The following NCOA1 variants were observed in gnomAD, a reference collection of about 807,000 sequenced individuals.
NCOA1 encodes nuclear receptor coactivator 1, also known as Hin-2 protein.
In NCOA1, 35 loss-of-function variants were observed where a neutral mutation model predicts 150.9. That is an observed-to-expected ratio of 0.23 (90% CI 0.18 to 0.31). NCOA1 has a LOEUF of 0.31. Ranked by LOEUF, NCOA1 falls within the 10% of genes least tolerant of loss-of-function variation. The pLI is 1.00. For synonymous variants in NCOA1, 590 were observed against 630.0 expected (o/e 0.94, Z 0.95); for missense variants, 1,491 against 1,749.3 (o/e 0.85, Z 2.63).
chr2:24,665,958 TAA>T (rs1383114986), intron 6 of NCOA1, 43 bp downstream of exon 6: 1 of 1,209,090 alleles, frequency 8.3e-7, no homozygotes. Flanking sequence ...GCTTTGTTAT[TAA>T]GACATTTATA....
intron 19 of NCOA1, among the ~76,000 whole-genome samples, chr2:24,748,589 C>T (rs1435935855): frequency 4.1e-5 from 6 of 145,036 alleles, no homozygotes; most frequent in African/African-American, 1.3e-4. Context: ...GTACTCCAGC[C>T]TGGGCAACAA....
chr2:24,670,015 G>A (rs1671611338), intron 6 of NCOA1, among the ~76,000 whole-genome samples: 1 of 152,192 alleles, frequency 6.6e-6, no homozygotes, highest in Admixed American at 6.5e-5. Context: ...GTGCATCCCT[G>A]TAGTCCCAAC....
rs538548208 is a variant in NCOA1, at chr2:24,606,089, A to T, written c.-175+21529A>T. Among the ~76,000 whole-genome samples, 141 of 152,182 alleles carry T rather than the reference A, an allele frequency of 9.3e-4. 1 individual carries two copies. The East Asian group carries it at 0.013, about 15-fold the overall frequency. ...GGAGGTTCTCTTTAAGATTTTTTTT[A>T]AAAAAATTTATCGGGAATGCTGAAT... On this transcript the variant is annotated intron_variant, in intron 3 of 22. Coordinates refer to ENST00000348332, the MANE Select transcript of NCOA1 (RefSeq NM_003743.5).
chr2:24,756,899 A>C (rs2148688930), intron 20 of NCOA1, among the ~76,000 whole-genome samples: 1 of 152,304 alleles, frequency 6.6e-6, no homozygotes, highest in Non-Finnish European at 1.5e-5. Flanking sequence ...ATGAAGAAGG[A>C]AGTCAGTAAA....
At chr2:24,623,477 C>T (rs1319041836) in intron 3 of NCOA1, among the ~76,000 whole-genome samples, 2 of 152,094 alleles carry the variant, frequency 1.3e-5, no homozygotes, top group Non-Finnish European at 2.9e-5. Context: ...CTGTCTTTGT[C>T]TTTGAAAGGG....
chr2:24,597,050 G>A (rs186308628), intron 3 of NCOA1, among the ~76,000 whole-genome samples: 105 of 152,218 alleles, frequency 6.9e-4, no homozygotes, highest in African/African-American at 2.4e-3. Flanking sequence ...CTGTGCTTTT[G>A]TGGTTTTACT....
At position 24,491,311 on chromosome 2, in the gene NCOA1, C is replaced by G. The variant is rs956357369; in HGVS notation, c.-687C>G. Among the ~76,000 whole-genome samples, 1 of 147,304 alleles carries G rather than the reference C, an allele frequency of 6.8e-6. No individual in the cohort carries two copies. Among genetic ancestry groups the G allele is most frequent in the Admixed American group, 6.7e-5 (1 of 14,842 alleles). On this transcript the variant is annotated 5_prime_UTR_variant, in exon 1 of 23. Transcript: ENST00000348332. ...CGGCCGCGGAGAGCGGCTGAAATGCCTGTTCTTCAGGCCGGGCGAGCGGGA... is the reference window on the plus strand; with the variant it reads ...CGGCCGCGGAGAGCGGCTGAAATGCGTGTTCTTCAGGCCGGGCGAGCGGGA...
At position 24,752,141 on chromosome 2, in the gene NCOA1, C is replaced by A. The variant is rs756040489; in HGVS notation, c.3866C>A (p.Ala1289Glu). ...GACATGAAGGCCTGGCAGCAAGGAG[C>A]GATAGGAAACAACAAGTAAGGGGGC... is the stretch of plus-strand genomic sequence containing the variant. ...SPDMKAWQQG[A>E]IGNNNVFSQA... is the part of the protein sequence containing the mutation. Residue 1289 changes from alanine to glutamate, a missense_variant, in exon 20 of 23, where the codon GCG becomes GAG. This residue lies in a region of NCOA1 where 485 missense variants were observed against 522.8 expected (regional missense o/e 0.93). Coordinates refer to ENST00000348332, the MANE Select transcript of NCOA1 (RefSeq NM_003743.5). 6.2e-7 allele frequency: 1 copy of A among 1,613,634 alleles called. No homozygotes were observed. The highest frequency in any genetic ancestry group is 1.1e-5 in the South Asian group (1 of 91,062).
At chr2:24,541,443 T>A (rs902934788) in intron 1 of NCOA1, among the ~76,000 whole-genome samples, 6 of 152,320 alleles carry the variant, frequency 3.9e-5, no homozygotes, top group Admixed American at 2.6e-4. Flanking sequence ...ACTACCTTCC[T>A]CCAGATCTGT....
At chr2:24,536,779 G>A (rs1665164722) in intron 1 of NCOA1, among the ~76,000 whole-genome samples, 1 of 152,116 alleles carries the variant, frequency 6.6e-6, no homozygotes, top group Non-Finnish European at 1.5e-5. Context: ...TCTCACCAGT[G>A]GAGGCTGCAG....
chr2:24,707,835 A>G lies in NCOA1; in HGVS notation c.2365A>G (p.Thr789Ala), dbSNP rs1293831843. The change falls in exon 13 of 23, where the codon ACC becomes GCC. Residue 789 changes from threonine (T) to alanine (A), a missense_variant. Transcript: ENST00000348332. ...GATGGATCCATGTAATACAAACCCA[A>G]CCCCAATGACCAAACCCACTCCTGA... Reference protein sequence around the residue: ...EQMDPCNTNPTPMTKPTPEEI... With the variant: ...EQMDPCNTNPAPMTKPTPEEI... 7 of 1,612,234 alleles carry G rather than the reference A, an allele frequency of 4.3e-6. No homozygotes were observed. The highest frequency in any genetic ancestry group is 5.9e-6 in the Non-Finnish European group (7 of 1,179,566).
chr2:24,587,268 G>A (rs906257522), intron 3 of NCOA1, among the ~76,000 whole-genome samples: 2 of 152,030 alleles, frequency 1.3e-5, no homozygotes, highest in African/African-American at 4.8e-5. Flanking sequence ...TCAGGTCAAA[G>A]TGGTAGATAA....
At position 24,491,548 on chromosome 2, in the gene NCOA1, A is replaced by AGGAG. The variant is rs1354725440; in HGVS notation, c.-450_-449insGGAG. Among the ~76,000 whole-genome samples, 9 of 4,162 alleles carry AGGAG rather than the reference A, an allele frequency of 2.2e-3. No individual in the cohort carries two copies. Among genetic ancestry groups the AGGAG allele is most frequent in the African/African-American group, 5.3e-3 (6 of 1,126 alleles). The allele number at this position is 4,162 out of a possible 152,430, so 2.7% of individuals were successfully genotyped here. A position where few individuals can be genotyped will look rare whatever the true frequency, so the allele number is the denominator to read the frequency against. ...CGGAGGCCGGGGCGGCGCCGCCGCC[A>AGGAG]CGGTCGCGGACGAGTGCGGCGCCGG... On this transcript the variant is annotated 5_prime_UTR_variant, in exon 1 of 23. Transcript: ENST00000348332.
chr2:24,753,907 A>G (rs1664370446), intron 20 of NCOA1, among the ~76,000 whole-genome samples: 1 of 152,232 alleles, frequency 6.6e-6, no homozygotes, highest in African/African-American at 2.4e-5. Context: ...ATCTCCACTT[A>G]TAAGTCTAAT....
In NCOA1 at chr2:24,605,151, A is replaced by G. The variant is rs149225750; in HGVS notation, c.-175+20591A>G. 5.4e-3 allele frequency among the ~76,000 whole-genome samples: 821 copies of G among 152,308 alleles called. 11 individuals are homozygous for G. Among genetic ancestry groups the G allele is most frequent in the African/African-American group, 0.018 (752 of 41,554 alleles). On this transcript the variant is annotated intron_variant, in intron 3 of 22. Coordinates refer to ENST00000348332, the MANE Select transcript of NCOA1 (RefSeq NM_003743.5). ...CAAAGATCACTGATTACAGATCACC[A>G]TAAGAGAGATAATAATAATGAAAAA...
chr2:24,700,009 G>A (rs1405996004), intron 11 of NCOA1, among the ~76,000 whole-genome samples: 1 of 152,066 alleles, frequency 6.6e-6, no homozygotes, highest in Admixed American at 6.5e-5. Context: ...CGCGCATGGT[G>A]GCGCAGTCCT....
chr2:24,558,149 C>A (rs1172678587), intron 1 of NCOA1, among the ~76,000 whole-genome samples: 1 of 151,852 alleles, frequency 6.6e-6, no homozygotes, highest in Non-Finnish European at 1.5e-5. Flanking sequence ...GTATTTTTCC[C>A]CCACTCTTTT....
intron 1 of NCOA1, chr2:24,492,222 T>G (rs866533942): frequency 4.6e-5 from 7 of 152,100 alleles, no homozygotes; most frequent in African/African-American, 1.7e-4. Context: ...CATGTTCCTG[T>G]CGCGGCCCGG....
intron 20 of NCOA1, among the ~76,000 whole-genome samples, chr2:24,755,889 G>GT (rs1265710139): frequency 6.6e-6 from 1 of 152,110 alleles, no homozygotes; most frequent in Non-Finnish European, 1.5e-5. Context: ...GGTGACTTAT[G>GT]TATCAATTGA....
Sources: allele counts gnomAD v4.1 joint callset (sites outside exome capture counted in the v4.1 genomes callset), GRCh38; gene constraint gnomAD v4.1.1; regional missense constraint gnomAD v4.1.1; transcripts MANE v1.5; gene names NCBI Gene and HGNC (gene_info 2026-07-23, HGNC 2026-07-21).